Variants in LINGO2 observed in about 807,000 individuals in gnomAD.
LINGO2 encodes leucine rich repeat and Ig domain containing 2, also known as leucine-rich repeat and immunoglobulin-like domain-containing nogo receptor-interacting protein 2.
A neutral mutation model predicts 30.6 loss-of-function variants in LINGO2; 14 were observed. The ratio of observed to expected loss-of-function variants is 0.46; its 90% CI spans 0.30 to 0.72. The LOEUF (loss-of-function observed/expected upper bound fraction) is 0.72, where lower values mean the gene tolerates loss of function less well. LINGO2 is among the 30% of genes least tolerant of loss of function. LINGO2 has a pLI of 0.07. For missense variants in LINGO2, 729 were observed against 751.7 expected (o/e 0.97, Z 0.35); for synonymous variants, 317 against 288.5 (o/e 1.10, Z -1.00).
At chr9:28,808,295 A>T in the LINGO2 span, among the ~76,000 whole-genome samples, 1 of 152,232 alleles carries the variant, frequency 6.6e-6, no homozygotes, top group African/African-American at 2.4e-5. Context: ...TTACAAAGAG[A>T]AAGAGAGCAA....
chr9:29,111,078 C>T, the LINGO2 span, among the ~76,000 whole-genome samples: 1 of 152,036 alleles, frequency 6.6e-6, no homozygotes, highest in Admixed American at 6.6e-5. Context: ...TAAAAGGGGT[C>T]CTATTTAAAG....
At chr9:29,191,684 G>A in the LINGO2 span, among the ~76,000 whole-genome samples, 21 of 152,100 alleles carry the variant, frequency 1.4e-4, no homozygotes, top group South Asian at 4.1e-3. Flanking sequence ...ACCATAATCA[G>A]GATAGCACAA....
chr9:27,976,539 T>C (rs1438905551), intron 5 of LINGO2, among the ~76,000 whole-genome samples: 1 of 152,078 alleles, frequency 6.6e-6, no homozygotes, highest in African/African-American at 2.4e-5. Flanking sequence ...TAGCATTTAC[T>C]CCTCACAACA....
intron 4 of LINGO2, among the ~76,000 whole-genome samples, chr9:28,285,685 G>A (rs140091718): frequency 0.014 from 2,083 of 152,054 alleles, 39 homozygotes; most frequent in African/African-American, 0.048. Context: ...GATTACAGGC[G>A]TGAGCCACTG....
intron 3 of LINGO2, among the ~76,000 whole-genome samples, chr9:28,342,745 A>C (rs1819398836): frequency 6.6e-6 from 1 of 152,116 alleles, no homozygotes; most frequent in African/African-American, 2.4e-5. Context: ...TTTAAACATA[A>C]TTTAATATTA....
At chr9:28,422,103 A>G (rs1353155608) in intron 2 of LINGO2, among the ~76,000 whole-genome samples, 1 of 152,094 alleles carries the variant, frequency 6.6e-6, no homozygotes, top group East Asian at 1.9e-4. Flanking sequence ...GGATTTGGCA[A>G]TGATTTCTTG....
the LINGO2 span, among the ~76,000 whole-genome samples, chr9:28,797,351 TATATATATAGAGAGAGAGAGAGAG>T: frequency 1.6e-5 from 1 of 62,508 alleles, no homozygotes; most frequent in African/African-American, 5.8e-5. Context: ...TATATATATA[TATATATATAGAGAGAGAGAGAGAG>T]AGAGAGAGAG....
At chr9:28,192,258 A>T (rs1819849103) in intron 4 of LINGO2, among the ~76,000 whole-genome samples, 1 of 152,128 alleles carries the variant, frequency 6.6e-6, no homozygotes, top group African/African-American at 2.4e-5. Context: ...TACATGTTAT[A>T]TATATACATT....
the LINGO2 span, among the ~76,000 whole-genome samples, chr9:29,175,732 G>A: frequency 9.9e-5 from 15 of 151,896 alleles, no homozygotes; most frequent in African/African-American, 2.7e-4. Flanking sequence ...TCACCATGTT[G>A]GCCAGGATGG....
chr9:28,271,443 G>C (rs1262935427), intron 4 of LINGO2, among the ~76,000 whole-genome samples: 1 of 150,794 alleles, frequency 6.6e-6, no homozygotes, highest in South Asian at 2.1e-4. Context: ...TAATTAAGAA[G>C]TAAAAAAACT....
At chr9:28,267,763 C>T (rs1335118405) in intron 4 of LINGO2, among the ~76,000 whole-genome samples, 1 of 151,956 alleles carries the variant, frequency 6.6e-6, no homozygotes, top group Non-Finnish European at 1.5e-5. Context: ...TACATGATCC[C>T]CTACTCCTGG....
intron 4 of LINGO2, among the ~76,000 whole-genome samples, chr9:28,118,368 T>A (rs1374930423): frequency 6.6e-6 from 1 of 152,306 alleles, no homozygotes; most frequent in East Asian, 1.9e-4. Flanking sequence ...TTACTTATAA[T>A]AAGCCATATC....
At chr9:28,702,105 C>T in the LINGO2 span, among the ~76,000 whole-genome samples, 35 of 151,850 alleles carry the variant, frequency 2.3e-4, no homozygotes, top group African/African-American at 7.7e-4. Context: ...ATTTGTATAC[C>T]TTTTATTTCT....
chr9:29,034,731 G>T, the LINGO2 span, among the ~76,000 whole-genome samples: 1 of 152,144 alleles, frequency 6.6e-6, no homozygotes, highest in Non-Finnish European at 1.5e-5. Flanking sequence ...ACTAAGTTGA[G>T]ATTATTCAGA....
the LINGO2 span, among the ~76,000 whole-genome samples, chr9:28,837,038 C>T: frequency 2.1e-3 from 321 of 152,222 alleles, 3 homozygotes; most frequent in African/African-American, 7.3e-3. Flanking sequence ...AGAAAAATGT[C>T]CTTTGTACAG....
intron 5 of LINGO2, among the ~76,000 whole-genome samples, chr9:27,958,484 T>C (rs1819685059): frequency 6.6e-6 from 1 of 152,172 alleles, no homozygotes; most frequent in East Asian, 1.9e-4. Flanking sequence ...CTTTCTGTGG[T>C]TTATTACTAA....
At chr9:29,181,299 G>T in the LINGO2 span, among the ~76,000 whole-genome samples, 1 of 152,122 alleles carries the variant, frequency 6.6e-6, no homozygotes, top group Non-Finnish European at 1.5e-5. Context: ...TGGGTTCTTT[G>T]TAGAAAAGAG....
chr9:28,738,999 C>T, the LINGO2 span, among the ~76,000 whole-genome samples: 12 of 151,978 alleles, frequency 7.9e-5, no homozygotes, highest in African/African-American at 1.4e-4. Context: ...AATTTTAATA[C>T]ATCCTGGTAA....
chr9:27,999,826 C>A (rs573874659), intron 5 of LINGO2, among the ~76,000 whole-genome samples: 18 of 152,134 alleles, frequency 1.2e-4, no homozygotes, highest in African/African-American at 4.3e-4. Flanking sequence ...TAATAAAAAT[C>A]GTACATGTAT....
Sources: allele counts gnomAD v4.1 joint callset (sites outside exome capture counted in the v4.1 genomes callset), GRCh38; gene constraint gnomAD v4.1.1; transcripts MANE v1.5; gene names NCBI Gene and HGNC (gene_info 2026-07-23, HGNC 2026-07-21).